NISCH: variants seen among roughly 807,000 people sequenced by gnomAD.
The protein encoded by NISCH is I-1 receptor candidate protein.
A neutral mutation model predicts 138.4 loss-of-function variants in NISCH; 55 were observed. The observed-to-expected ratio is 0.40, with a 90% CI of 0.32 to 0.50. The LOEUF (loss-of-function observed/expected upper bound fraction) is 0.50. Ranked by LOEUF, NISCH falls within the 20% of genes least tolerant of loss-of-function variation. NISCH has a pLI of 0.71. For synonymous variants in NISCH, 860 were observed against 861.5 expected, an observed-to-expected ratio of 1.00 and a Z score of 0.03; for missense variants, 1,643 against 2,005.5, an observed-to-expected ratio of 0.82 and a Z score of 3.45.
rs372252355 is a variant in NISCH at position 52,490,066 on chromosome 3, C to T, written c.3457-9C>T. 2.2e-5 allele frequency: 35 copies of T among 1,613,190 alleles called. No homozygotes were observed. Among genetic ancestry groups the T allele is most frequent in the East Asian group, 1.1e-4 (5 of 44,872 alleles). ...GTGGTGGAGCTGACAGGAGGCCCCCCGTCTTCAGGTTGAAAACGAGGAGCT... is the reference window on the plus strand; with the variant it reads ...GTGGTGGAGCTGACAGGAGGCCCCCTGTCTTCAGGTTGAAAACGAGGAGCT... On this transcript the variant is annotated splice_polypyrimidine_tract_variant and intron_variant, in intron 17 of 20. Coordinates refer to ENST00000345716, the MANE Select transcript of NISCH (RefSeq NM_007184.4).
chr3:52,467,122 T>C (rs1706803869), intron 3 of NISCH, among the ~76,000 whole-genome samples: 1 of 149,362 alleles, frequency 6.7e-6, no homozygotes, highest in African/African-American at 2.5e-5. Flanking sequence ...TGCCTCAGAC[T>C]CCAGAGTAGC....
Position 52,455,636 on chromosome 3 carries a change from C to T in NISCH, c.-6C>T, listed in dbSNP as rs773976942. On this transcript the variant is annotated 5_prime_UTR_variant, in exon 1 of 21. Coordinates refer to ENST00000345716, the MANE Select transcript of NISCH (RefSeq NM_007184.4). Reference sequence around the variant, plus strand: ...GCCGGGCGGCGGTGGCGGCGGAGACCCGAACATGGCGACCGCGCGCACCTT... The same window carrying T: ...GCCGGGCGGCGGTGGCGGCGGAGACTCGAACATGGCGACCGCGCGCACCTT... The T allele has an allele frequency of 3.4e-5, 46 of 1,333,360 alleles. No individual in the cohort carries two copies. Among genetic ancestry groups the T allele is most frequent in the Non-Finnish European group, 4.3e-5 (44 of 1,034,536 alleles). 82.6% of individuals were successfully genotyped at this position (1,333,360 alleles called of 1,614,324 possible). A position where few individuals can be genotyped will look rare whatever the true frequency, so the allele number is the denominator to read the frequency against.
intron 3 of NISCH, among the ~76,000 whole-genome samples, chr3:52,466,999 CTTTTTTTTT>C (rs11457136): frequency 2.4e-5 from 3 of 122,758 alleles, no homozygotes; most frequent in Non-Finnish European, 3.2e-5. Flanking sequence ...GTTTCTTTTT[CTTTTTTTTT>C]TTTTTTTTTG....
At chr3:52,457,818 A>T in intron 1 of NISCH, 25 bp from the exon 2 acceptor site, 1 of 1,578,332 alleles carries the variant, frequency 6.3e-7, no homozygotes, top group Non-Finnish European at 8.7e-7. Flanking sequence ...CCCTTGCCAC[A>T]AGGGCTGTTG....
At position 52,470,856 on chromosome 3, in the gene NISCH, C is replaced by CA; in HGVS notation, c.361-2dup. 1 of 1,614,078 alleles carries CA rather than the reference C, an allele frequency of 6.2e-7. No individual in the cohort carries two copies. Among genetic ancestry groups the CA allele is most frequent in the Non-Finnish European group, 8.5e-7 (1 of 1,179,978 alleles). Reference sequence around the variant, plus strand: ...CTAAGGGCAAATTTTGTGTTCTCTGCAGGAGATAAATGGCATCACCGCGGC... The same window carrying CA: ...CTAAGGGCAAATTTTGTGTTCTCTGCAAGGAGATAAATGGCATCACCGCGGC... On this transcript the variant is annotated splice_region_variant and splice_polypyrimidine_tract_variant and intron_variant, in intron 3 of 20. Coordinates refer to ENST00000345716, the MANE Select transcript of NISCH (RefSeq NM_007184.4).
intron 3 of NISCH, among the ~76,000 whole-genome samples, chr3:52,464,681 C>T (rs1468956965): frequency 6.6e-6 from 1 of 151,704 alleles, no homozygotes; most frequent in African/African-American, 2.4e-5. Context: ...TACGCAACCA[C>T]GTCTGGCTGA....
intron 10 of NISCH, 56 bp downstream of exon 10, chr3:52,478,338 TAAA>T: frequency 1.2e-6 from 2 of 1,606,826 alleles, no homozygotes; most frequent in East Asian, 2.2e-5. Context: ...TGTATCATGT[TAAA>T]GAAGAATGTT....
intron 7 of NISCH, chr3:52,475,947 G>C (rs1707086584): frequency 6.4e-6 from 1 of 155,706 alleles, no homozygotes; most frequent in Non-Finnish European, 1.4e-5. Flanking sequence ...GACCAGCCTT[G>C]CCAACATGGT....
chr3:52,491,279 G>A (rs1707554538), intron 19 of NISCH, 73 bp from the exon 20 acceptor site: 1 of 1,528,924 alleles, frequency 6.5e-7, no homozygotes, highest in African/African-American at 1.4e-5. Flanking sequence ...TAGGGACTCG[G>A]GGTGGCTCTA....
intron 5 of NISCH, 109 bp from the exon 6 acceptor site, chr3:52,472,194 T>C: frequency 8.8e-7 from 1 of 1,140,816 alleles, no homozygotes. Context: ...TGAGCCTGCT[T>C]TGTTGAAGAC....
chr3:52,481,026 A>G, intron 13 of NISCH: 8 of 1,382,128 alleles, frequency 5.8e-6, no homozygotes, highest in Non-Finnish European at 7.5e-6. Context: ...GCTCCTGGAG[A>G]CGCAGAACTT....
At chr3:52,491,254 TG>T in intron 19 of NISCH, 97 bp from the exon 20 acceptor site, 1 of 1,492,164 alleles carries the variant, frequency 6.7e-7, no homozygotes. Context: ...CCCTGGCCTC[TG>T]GGCTGAGGCT....
intron 19 of NISCH, among the ~76,000 whole-genome samples, chr3:52,491,049 G>T (rs1163397772): frequency 6.6e-6 from 1 of 152,264 alleles, no homozygotes; most frequent in Non-Finnish European, 1.5e-5. Flanking sequence ...TGCGGCAAGC[G>T]CTGGCCCGGA....
chr3:52,476,354 C>T, intron 7 of NISCH, 93 bp from the exon 8 acceptor site: 1 of 1,401,970 alleles, frequency 7.1e-7, no homozygotes, highest in Non-Finnish European at 1.0e-6. Flanking sequence ...TAAATATGCT[C>T]CAGCCCTTCC....
intron 18 of NISCH, 104 bp downstream of exon 18, chr3:52,490,335 A>G: frequency 7.4e-7 from 1 of 1,350,506 alleles, no homozygotes; most frequent in Non-Finnish European, 1.0e-6. Context: ...GGCAGCAGTC[A>G]GCGACTTGGC....
At chr3:52,483,906 C>T (rs1158288513) in intron 13 of NISCH, among the ~76,000 whole-genome samples, 1 of 152,236 alleles carries the variant, frequency 6.6e-6, no homozygotes, top group Non-Finnish European at 1.5e-5. Context: ...CTCTGCCCAG[C>T]GAGGTCAGGG....
chr3:52,459,832 C>T (rs1274302430), intron 3 of NISCH, among the ~76,000 whole-genome samples: 1 of 151,760 alleles, frequency 6.6e-6, no homozygotes, highest in Non-Finnish European at 1.5e-5. Flanking sequence ...GTAGTCATTC[C>T]AGGATTGTAA....
Position 52,489,339 on chromosome 3 carries a change from T to C in NISCH, c.3117T>C (p.Asn1039=), listed in dbSNP as rs1707497840. Residue 1039 remains asparagine (N), a synonymous_variant, in exon 17 of 21, where the codon AAT becomes AAC. Coordinates refer to ENST00000345716, the MANE Select transcript of NISCH (RefSeq NM_007184.4). ...DGQPAERRAS[N]DQRPQEVPAE... ...TGGTGTTTTTCGGGGGATACAGCAA[T>C]GACCAGCGTCCCCAGGAGGTCCCAG... The C allele has an allele frequency of 6.2e-7, 1 of 1,611,434 alleles. No homozygotes were observed. Among genetic ancestry groups the C allele is most frequent in the Non-Finnish European group, 8.5e-7 (1 of 1,179,140 alleles).
intron 5 of NISCH, 140 bp downstream of exon 5, chr3:52,472,117 TATGCTTCTGGCTGTGGGCACC>T: frequency 4.7e-6 from 5 of 1,067,360 alleles, no homozygotes; most frequent in Non-Finnish European, 6.8e-6. Flanking sequence ...TTCTTGGCAC[TATGCTTCTGGCTGTGGGCACC>T]AGGGGGCGGT....
Sources: gnomAD v4.1 joint callset for allele counts (sites outside exome capture counted in the v4.1 genomes callset) on GRCh38, gnomAD v4.1.1 for gene constraint, MANE v1.5 for transcripts, NCBI Gene and HGNC (gene_info 2026-07-23, HGNC 2026-07-21) for gene names.